MYO10: variants seen among roughly 807,000 people sequenced by gnomAD.
The protein encoded by MYO10 is myosin X, also known as unconventional myosin-X.
MYO10 carries 133 observed loss-of-function variants against 257.3 expected under a neutral mutation model. The ratio of observed to expected loss-of-function variants is 0.52; its 90% confidence interval spans 0.45 to 0.60. MYO10 has a LOEUF of 0.60. Ranked by LOEUF, MYO10 falls within the 20% of genes least tolerant of loss-of-function variation. The pLI, the probability that MYO10 is intolerant of heterozygous loss-of-function variation, is 0.00. For synonymous variants in MYO10, 1,104 were observed against 1,028.6 expected, an observed-to-expected ratio of 1.07 and a Z score of -1.40; for missense variants, 2,399 against 2,635.7, an observed-to-expected ratio of 0.91 and a Z score of 1.97.
At chr5:16,735,599 GGGAGGAC>G (rs1739761228) in intron 19 of MYO10, among the ~76,000 whole-genome samples, 1 of 151,666 alleles carries the variant, frequency 6.6e-6, no homozygotes. Context: ...CCAGCTACAT[GGGAGGAC>G]TGTTTGAGCC....
intron 2 of MYO10, among the ~76,000 whole-genome samples, chr5:16,822,727 G>A (rs13340373): frequency 0.032 from 4,592 of 143,422 alleles, 237 homozygotes; most frequent in African/African-American, 0.11. Flanking sequence ...TCCCTCTGTC[G>A]CCCAGGCTGG....
At chr5:16,840,387 G>A (rs1457593664) in intron 2 of MYO10, among the ~76,000 whole-genome samples, 2 of 151,316 alleles carry the variant, frequency 1.3e-5, no homozygotes, top group Non-Finnish European at 2.9e-5. Context: ...ACTCCAGCCT[G>A]GGCGACAGAG....
chr5:16,790,679 C>T (rs976403340), intron 4 of MYO10, among the ~76,000 whole-genome samples: 1 of 152,112 alleles, frequency 6.6e-6, no homozygotes, highest in South Asian at 2.1e-4. Context: ...GCCACGTGGA[C>T]CTGTAACTCC....
rs1736038839 is a variant in MYO10, at chr5:16,663,311, A to C, written c.*3381T>G. The C allele has an allele frequency of 7.7e-6, 1 of 130,644 alleles. No individual in the cohort carries two copies. The highest frequency in any genetic ancestry group is 2.1e-4 in the East Asian group (1 of 4,680). The allele number at this position is 130,644 out of a possible 1,614,324, so 8.1% of individuals were successfully genotyped here. ...TTAGGGCTACAGCTGGAAAAAAGTA[A>C]CATTTTACTTCTAGTTGTTTTTTTT... On this transcript the variant is annotated 3_prime_UTR_variant, in exon 41 of 41. Coordinates refer to ENST00000513610, the MANE Select transcript of MYO10 (RefSeq NM_012334.3).
At chr5:16,815,709 T>C (rs1742583866) in intron 3 of MYO10, among the ~76,000 whole-genome samples, 1 of 152,158 alleles carries the variant, frequency 6.6e-6, no homozygotes. Flanking sequence ...ACACGCACAG[T>C]GCAGCGGTCA....
chr5:16,790,745 G>A (rs1741725607), intron 4 of MYO10, among the ~76,000 whole-genome samples: 1 of 152,044 alleles, frequency 6.6e-6, no homozygotes, highest in Admixed American at 6.6e-5. Context: ...TTTATCAACA[G>A]TGTGAAAACG....
Position 16,674,960 on chromosome 5 carries a change from G to C in MYO10, c.4857C>G (p.His1619Gln). 6.2e-7 allele frequency: 1 copy of C among 1,614,038 alleles called. No individual in the cohort carries two copies. The highest frequency in any genetic ancestry group is 8.5e-7 in the Non-Finnish European group (1 of 1,179,904). ...TGTACAGGTTGCCCACACTGCCGGGGTGGGGCACTTTGTTGGTCTGTTTGA... is the reference window on the plus strand; with the variant it reads ...TGTACAGGTTGCCCACACTGCCGGGCTGGGGCACTTTGTTGGTCTGTTTGA... The part of the protein sequence containing the change: ...QLIKQTNKVP[H>Q]PGSVGNLYSW... The change falls in exon 35 of 41, where the codon CAC becomes CAG. Residue 1619 changes from histidine (H) to glutamine (Q), a missense_variant. Around this residue, in one of 3 missense-constraint regions of MYO10, gnomAD observed 1,820 missense variants for 1,939.4 expected, o/e 0.94. Coordinates refer to ENST00000513610, the MANE Select transcript of MYO10 (RefSeq NM_012334.3).
At chr5:16,674,697 C>T (rs2126475876) in intron 35 of MYO10, among the ~76,000 whole-genome samples, 156 bp downstream of exon 35, 1 of 152,138 alleles carries the variant, frequency 6.6e-6, no homozygotes, top group Admixed American at 6.6e-5. Flanking sequence ...GCAGCATTCT[C>T]TAAGCTTGCT....
intron 2 of MYO10, among the ~76,000 whole-genome samples, chr5:16,827,413 G>A (rs1743033359): frequency 6.6e-6 from 1 of 151,996 alleles, no homozygotes; most frequent in Admixed American, 6.6e-5. Flanking sequence ...CAGCCTCCCG[G>A]ATAGCTGGAA....
Position 16,666,437 on chromosome 5 carries a change from CTTTT to C in MYO10, c.*251_*254del. The C allele has an allele frequency of 2.5e-6, 1 of 406,006 alleles. No individual in the cohort carries two copies. The highest frequency in any genetic ancestry group is 4.4e-6 in the Non-Finnish European group (1 of 229,736). 25.2% of individuals were successfully genotyped at this position (406,006 alleles called of 1,614,324 possible). ...TGGTGGCAGCGTGGTTCCTCCCCTC[CTTTT>C]TTAAGGCATGTGTCCTCTAAGAGTA... On this transcript the variant is annotated 3_prime_UTR_variant, in exon 41 of 41. Coordinates refer to ENST00000513610, the MANE Select transcript of MYO10 (RefSeq NM_012334.3).
chr5:16,812,857 C>T (rs1044278750), intron 3 of MYO10, among the ~76,000 whole-genome samples: 4 of 151,572 alleles, frequency 2.6e-5, no homozygotes, highest in African/African-American at 4.9e-5. Flanking sequence ...ATTATCAATA[C>T]GGAGCCAAAG....
At chr5:16,801,853 C>A (rs1742130427) in intron 3 of MYO10, among the ~76,000 whole-genome samples, 1 of 152,060 alleles carries the variant, frequency 6.6e-6, no homozygotes, top group African/African-American at 2.4e-5. Flanking sequence ...ATTCAGTAAA[C>A]AACAGCCAAA....
At chr5:16,899,134 CAAAA>C (rs60168960) in intron 1 of MYO10, among the ~76,000 whole-genome samples, 10 of 103,340 alleles carry the variant, frequency 9.7e-5, no homozygotes, top group African/African-American at 1.0e-4. Flanking sequence ...GACTCTGTCT[CAAAA>C]AAAAAAAAAA....
At chr5:16,670,405 T>A (rs25864) in intron 39 of MYO10, 121 bp downstream of exon 39, 628,374 of 847,564 alleles carry the variant, frequency 0.74, 237,685 homozygotes, top group South Asian at 0.82. Context: ...GGGGCTCGAA[T>A]AAAAGAGGTT....
intron 20 of MYO10, 35 bp downstream of exon 20, chr5:16,711,086 G>C (rs998155112): frequency 6.2e-7 from 1 of 1,612,822 alleles, no homozygotes; most frequent in Admixed American, 1.7e-5. Flanking sequence ...CAACCCCTTT[G>C]AAAAGAAAGA....
intron 1 of MYO10, chr5:16,902,590 C>T (rs1036169823): frequency 1.4e-5 from 22 of 1,579,356 alleles, no homozygotes; most frequent in South Asian, 7.7e-5. Flanking sequence ...ATAGGCTGCA[C>T]GTGGCCGCGG....
intron 2 of MYO10, among the ~76,000 whole-genome samples, chr5:16,828,827 C>T (rs575108925): frequency 3.9e-5 from 6 of 152,194 alleles, no homozygotes; most frequent in East Asian, 1.9e-4. Context: ...GCAGTCCTCC[C>T]GCCTCAGCCT....
intron 1 of MYO10, among the ~76,000 whole-genome samples, chr5:16,923,933 T>C (rs1746061784): frequency 6.6e-6 from 1 of 151,844 alleles, no homozygotes; most frequent in African/African-American, 2.4e-5. Flanking sequence ...CTACAAAAAA[T>C]GTAAAAATTA....
intron 1 of MYO10, among the ~76,000 whole-genome samples, chr5:16,906,045 C>T (rs1276406907): frequency 1.3e-5 from 2 of 152,226 alleles, no homozygotes; most frequent in Non-Finnish European, 2.9e-5. Context: ...AGATTTCTTA[C>T]ACTTGGCATT....
Sources: allele counts gnomAD v4.1 joint callset (sites outside exome capture counted in the v4.1 genomes callset), GRCh38; gene constraint gnomAD v4.1.1; regional missense constraint gnomAD v4.1.1; transcripts MANE v1.5; gene names NCBI Gene and HGNC (gene_info 2026-07-23, HGNC 2026-07-21).